DNAH11: variants seen among roughly 807,000 people sequenced by gnomAD.
The protein encoded by DNAH11 is dynein axonemal heavy chain 11.
DNAH11 carries 442 observed loss-of-function variants against 526.0 expected under a neutral mutation model. That is an observed-to-expected ratio of 0.84 (90% CI 0.78 to 0.91). DNAH11 has a LOEUF of 0.91. DNAH11 is among the 40% of genes least tolerant of loss of function. DNAH11 has a pLI of 0.00. For synonymous variants in DNAH11, 2,461 were observed against 1,935.9 expected (o/e 1.27, Z -7.12); for missense variants, 6,989 against 5,448.7 (o/e 1.28, Z -8.90).
intron 57 of DNAH11, among the ~76,000 whole-genome samples, chr7:21,779,637 A>G (rs1200529515): frequency 1.3e-5 from 2 of 152,190 alleles, no homozygotes; most frequent in Non-Finnish European, 2.9e-5. Flanking sequence ...CTTTAAGATT[A>G]TATAGATTCT....
intron 56 of DNAH11, among the ~76,000 whole-genome samples, chr7:21,777,017 A>C (rs1787701509): frequency 2.6e-5 from 4 of 152,032 alleles, no homozygotes; most frequent in Admixed American, 2.6e-4. Context: ...AACACAGTCA[A>C]GACACAGAAA....
At chr7:21,634,648 C>T (rs376984648) in intron 25 of DNAH11, among the ~76,000 whole-genome samples, 19 of 152,238 alleles carry the variant, frequency 1.2e-4, no homozygotes, top group African/African-American at 4.3e-4. Context: ...ATGATACACA[C>T]TGGGGCCTAG....
intron 68 of DNAH11, among the ~76,000 whole-genome samples, chr7:21,858,488 G>A (rs568285120): frequency 3.3e-5 from 5 of 152,292 alleles, no homozygotes; most frequent in Middle Eastern, 3.4e-3. Flanking sequence ...CACATTAATA[G>A]TCATGCAGAT....
At chr7:21,893,296 C>T (rs1784393072) in intron 77 of DNAH11, among the ~76,000 whole-genome samples, 1 of 152,236 alleles carries the variant, frequency 6.6e-6, no homozygotes, top group African/African-American at 2.4e-5. Context: ...TACTTTCCCA[C>T]CAGCAGTGCG....
At chr7:21,779,136 G>C in intron 57 of DNAH11, 32 bp downstream of exon 57, 1 of 1,588,670 alleles carries the variant, frequency 6.3e-7, no homozygotes. Flanking sequence ...AGAGTGCGGA[G>C]CTATATTTAG....
intron 30 of DNAH11, among the ~76,000 whole-genome samples, chr7:21,663,692 T>C (rs544876804): frequency 6.6e-6 from 1 of 152,274 alleles, no homozygotes; most frequent in East Asian, 1.9e-4. Context: ...AGTATTTGTT[T>C]TTCTATGCCT....
intron 9 of DNAH11, among the ~76,000 whole-genome samples, chr7:21,585,518 C>T (rs578055095): frequency 2.0e-4 from 31 of 152,240 alleles, no homozygotes; most frequent in African/African-American, 6.5e-4. Flanking sequence ...CGGAACTGAG[C>T]GCTATTCTAC....
At position 21,745,059 on chromosome 7, in the gene DNAH11, CAT is replaced by C; in HGVS notation, c.8507_8508del (p.His2836ArgfsTer39). On this transcript the variant is annotated frameshift_variant and splice_region_variant, in exon 51 of 82. Coordinates refer to ENST00000409508, the MANE Select transcript of DNAH11 (RefSeq NM_001277115.2). LOFTEE classifies it high-confidence loss of function. ...AGTTTTGTTTGAAGATGCCATGCAA[CAT>C]GTGTGAGTTAACTAGTCACGATGCT... The part of the protein sequence containing the change: ...HLVLFEDAMQ[H>X]VCRISRILRT... The C allele has an allele frequency of 6.2e-7, 1 of 1,604,880 alleles. No homozygotes were observed. Among genetic ancestry groups the C allele is most frequent in the Non-Finnish European group, 8.5e-7 (1 of 1,175,452 alleles).
intron 6 of DNAH11, among the ~76,000 whole-genome samples, chr7:21,568,236 G>C (rs764846805): frequency 7.2e-5 from 11 of 152,186 alleles, no homozygotes; most frequent in Non-Finnish European, 1.3e-4. Context: ...AGTGGGACTA[G>C]TTCATCCTAA....
chr7:21,601,592 C>A lies in DNAH11; in HGVS notation c.3622C>A (p.Pro1208Thr). Reference sequence around the variant, plus strand: ...CTTGGAAAGCTATGGCCAGAAGATGCCTGAGCAGGTCTATATTCAGCTAGA... The same window carrying A: ...CTTGGAAAGCTATGGCCAGAAGATGACTGAGCAGGTCTATATTCAGCTAGA... ...TLLESYGQKM[P>T]EQVYIQLEEL... Residue 1208 changes from proline (P) to threonine (T), a missense_variant, in exon 18 of 82, where the codon CCT becomes ACT. Physicochemically the swap from Pro to Thr is conservative, Grantham distance 38 (BLOSUM62 -1). Coordinates refer to ENST00000409508, the MANE Select transcript of DNAH11 (RefSeq NM_001277115.2). The A allele has an allele frequency of 6.3e-7, 1 of 1,593,538 alleles. No individual in the cohort carries two copies. Among genetic ancestry groups the A allele is most frequent in the Non-Finnish European group, 8.6e-7 (1 of 1,165,408 alleles).
Position 21,721,247 on chromosome 7 carries a change from G to A in DNAH11, c.7266+391G>A, listed in dbSNP as rs1025336614. Among the ~76,000 whole-genome samples the A allele has an allele frequency of 2.6e-5, 4 of 152,016 alleles. No homozygotes were observed. The East Asian group carries it at 5.8e-4, about 22-fold the overall frequency. On this transcript the variant is annotated intron_variant, in intron 44 of 81. Coordinates refer to ENST00000409508, the MANE Select transcript of DNAH11 (RefSeq NM_001277115.2). Reference sequence around the variant, plus strand: ...TTTTGCTCAGTGGTACATTCTTCCCGGTAGCTCCAGTTAAAAACGTGGAAG... The same window carrying A: ...TTTTGCTCAGTGGTACATTCTTCCCAGTAGCTCCAGTTAAAAACGTGGAAG...
chr7:21,616,426 T>G, intron 22 of DNAH11, 134 bp downstream of exon 22: 5 of 647,380 alleles, frequency 7.7e-6, no homozygotes, highest in East Asian at 2.9e-5. Flanking sequence ...GCAGACAGTG[T>G]TTTTTTCACC....
intron 61 of DNAH11, among the ~76,000 whole-genome samples, chr7:21,798,308 C>G (rs1482491038): frequency 6.6e-6 from 1 of 152,174 alleles, no homozygotes; most frequent in Non-Finnish European, 1.5e-5. Flanking sequence ...GCTGGCCAAG[C>G]CGATCTTGAA....
chr7:21,895,967 G>T (rs1266725462), intron 79 of DNAH11, among the ~76,000 whole-genome samples: 1 of 152,070 alleles, frequency 6.6e-6, no homozygotes, highest in Non-Finnish European at 1.5e-5. Context: ...CTGACCTCAT[G>T]ATCTGCCCGC....
chr7:21,707,678 C>G lies in DNAH11; in HGVS notation c.6547-21C>G, dbSNP rs774432726. 3 of 1,595,874 alleles carry G rather than the reference C, an allele frequency of 1.9e-6. No individual in the cohort carries two copies. In the East Asian group the frequency reaches 6.7e-5, roughly 36 times the overall value. On this transcript the variant is annotated intron_variant, in intron 39 of 81. Transcript: ENST00000409508. ...CTTATGTTAGTATTAATTTTTTTGG[C>G]TCTTTCCTCCTTCCCCTCAGATTTT...
At chr7:21,852,705 T>A in intron 67 of DNAH11, 74 bp downstream of exon 67, 1 of 1,454,634 alleles carries the variant, frequency 6.9e-7, no homozygotes, top group Non-Finnish European at 9.1e-7. Context: ...GGCAGTGTGA[T>A]CAGACTTGGT....
At chr7:21,611,178 T>C (rs1785509206) in intron 20 of DNAH11, among the ~76,000 whole-genome samples, 1 of 152,176 alleles carries the variant, frequency 6.6e-6, no homozygotes, top group Non-Finnish European at 1.5e-5. Context: ...GAGGCAAATT[T>C]GCTGTCTCCT....
At chr7:21,732,041 C>T (rs1785409850) in intron 45 of DNAH11, among the ~76,000 whole-genome samples, 1 of 152,206 alleles carries the variant, frequency 6.6e-6, no homozygotes, top group Non-Finnish European at 1.5e-5. Context: ...TGGTTTCAGG[C>T]ATTCCCTGGG....
chr7:21,695,412 C>T (rs867476630), intron 35 of DNAH11, among the ~76,000 whole-genome samples: 1 of 152,284 alleles, frequency 6.6e-6, no homozygotes, highest in South Asian at 2.1e-4. Context: ...ACCAATGGAA[C>T]AGAACGGAGG....
Sources: allele counts gnomAD v4.1 joint callset (sites outside exome capture counted in the v4.1 genomes callset), GRCh38; gene constraint gnomAD v4.1.1; transcripts MANE v1.5; gene names NCBI Gene and HGNC (gene_info 2026-07-23, HGNC 2026-07-21).